P2RX3: variants seen among roughly 807,000 people sequenced by gnomAD.
P2RX3 encodes P2X purinoceptor 3.
In P2RX3, 41 loss-of-function variants were observed where a neutral mutation model predicts 51.5. The observed-to-expected ratio is 0.80, with a 90% CI of 0.62 to 1.03. The LOEUF is 1.03. Ranked by LOEUF, P2RX3 falls within the 50% of genes least tolerant of loss-of-function variation. The probability of loss-of-function intolerance (pLI) is 0.00; values close to 1 mark genes in which losing one functional copy is unlikely to be tolerated. For synonymous variants in P2RX3, 185 were observed against 191.6 expected (o/e 0.97, Z 0.29); for missense variants, 459 against 522.1 (o/e 0.88, Z 1.18).
Position 57,346,503 on chromosome 11 carries a change from G to A in P2RX3, c.120-41G>A, listed in dbSNP as rs35943801. 0.039 allele frequency: 62,408 copies of A among 1,607,068 alleles called. 1,422 individuals carry two copies. Among genetic ancestry groups the A allele is most frequent in the South Asian group, 0.043 (3,886 of 89,838 alleles). ...CCCAGCTTCTGTCTGCTGGGTCTAT[G>A]GACTCCTCTCTTTCTCTTCATTTAT... On this transcript the variant is annotated intron_variant, in intron 1 of 11. Transcript: ENST00000263314.
At chr11:57,338,746 AC>A in intron 1 of P2RX3, 77 bp downstream of exon 1, 1 of 964,838 alleles carries the variant, frequency 1.0e-6, no homozygotes, top group Non-Finnish European at 1.6e-6. Flanking sequence ...CCTCGGTGCT[AC>A]CATCCAGCTT....
chr11:57,345,454 C>A (rs900017684), intron 1 of P2RX3, among the ~76,000 whole-genome samples: 2 of 152,220 alleles, frequency 1.3e-5, no homozygotes, highest in East Asian at 3.9e-4. Context: ...AGGAGGGTTG[C>A]ATGGCATTTT....
chr11:57,361,545 T>C (rs893843876), intron 8 of P2RX3, among the ~76,000 whole-genome samples: 1 of 152,160 alleles, frequency 6.6e-6, no homozygotes, highest in Non-Finnish European at 1.5e-5. Context: ...CATGCAATGT[T>C]TGGTTTTCTG....
intron 8 of P2RX3, among the ~76,000 whole-genome samples, chr11:57,359,502 T>A (rs1042567023): frequency 6.6e-6 from 1 of 152,330 alleles, no homozygotes; most frequent in Admixed American, 6.5e-5. Flanking sequence ...CCCCCGACCC[T>A]GAAAACTCTG....
At chr11:57,349,578 C>T (rs765912670) in intron 6 of P2RX3, among the ~76,000 whole-genome samples, 179 bp from the exon 7 acceptor site, 3 of 152,006 alleles carry the variant, frequency 2.0e-5, no homozygotes, top group Non-Finnish European at 4.4e-5. Context: ...ACAGGGAAGG[C>T]GGTGATGGGG....
chr11:57,347,999 C>CAT (rs1856472526), intron 4 of P2RX3, among the ~76,000 whole-genome samples, 171 bp from the exon 5 acceptor site: 1 of 152,168 alleles, frequency 6.6e-6, no homozygotes, highest in Non-Finnish European at 1.5e-5. Flanking sequence ...CTCCCTTTGG[C>CAT]TGGGTCTGGG....
At chr11:57,336,321 G>C (rs4616059), upstream of P2RX3, among the ~76,000 whole-genome samples, 329 of 152,226 alleles carry the variant, frequency 2.2e-3, 16 homozygotes, top group East Asian at 0.059. Context: ...TGGCTGAACT[G>C]TCAAGTTCAC....
chr11:57,365,656 G>A (rs975495571), intron 8 of P2RX3, among the ~76,000 whole-genome samples: 1 of 152,206 alleles, frequency 6.6e-6, no homozygotes, highest in Non-Finnish European at 1.5e-5. Context: ...GCACACCTGT[G>A]CTTATAGACA....
intron 8 of P2RX3, among the ~76,000 whole-genome samples, chr11:57,363,478 CAG>C (rs1856751158): frequency 6.6e-6 from 1 of 152,156 alleles, no homozygotes; most frequent in African/African-American, 2.4e-5. Flanking sequence ...TCTAGAGCCT[CAG>C]AGTCCTCTCC....
In P2RX3 at chr11:57,349,718, A is replaced by G. The variant is rs763140704; in HGVS notation, c.564-39A>G. 6.8e-6 allele frequency: 11 copies of G among 1,613,224 alleles called. No homozygotes were observed. In the East Asian group the frequency reaches 2.2e-4, roughly 33 times the overall value. The stretch of plus-strand genomic sequence containing the variant: ...AGAGATTGCACAAGACGATCTTCCC[A>G]TGAACCCTGGGCTGACCTCTCTCTC... On this transcript the variant is annotated intron_variant, in intron 6 of 11. Coordinates refer to ENST00000263314, the MANE Select transcript of P2RX3 (RefSeq NM_002559.5).
intron 1 of P2RX3, among the ~76,000 whole-genome samples, chr11:57,339,079 G>A (rs961031592): frequency 2.0e-5 from 3 of 152,194 alleles, no homozygotes; most frequent in Non-Finnish European, 4.4e-5. Flanking sequence ...AAAAAGACAA[G>A]ACAGCACAGG....
chr11:57,339,580 C>T (rs1029932488), intron 1 of P2RX3, among the ~76,000 whole-genome samples: 6 of 152,296 alleles, frequency 3.9e-5, no homozygotes, highest in East Asian at 3.9e-4. Context: ...GGGAAGAATG[C>T]AGGTCCTGTC....
In P2RX3 at chr11:57,350,679, C is replaced by A; in HGVS notation, c.706-83C>A. 1.9e-6 allele frequency: 3 copies of A among 1,553,682 alleles called. No individual in the cohort carries two copies. The South Asian group carries it at 3.5e-5, about 18-fold the overall frequency. On this transcript the variant is annotated intron_variant, in intron 7 of 11. Coordinates refer to ENST00000263314, the MANE Select transcript of P2RX3 (RefSeq NM_002559.5). ...GAGGATGGGAGGAAATCATTTGTCA[C>A]CACCTCCACCCCACCCCCACCCTGG... is the stretch of plus-strand genomic sequence containing the variant.
intron 1 of P2RX3, among the ~76,000 whole-genome samples, chr11:57,343,165 T>C (rs570463808): frequency 2.0e-5 from 3 of 152,340 alleles, no homozygotes; most frequent in East Asian, 1.9e-4. Context: ...TGTGAGGCCA[T>C]TGAAATTCTT....
At chr11:57,356,659 C>T (rs535460619) in intron 8 of P2RX3, among the ~76,000 whole-genome samples, 1 of 152,272 alleles carries the variant, frequency 6.6e-6, no homozygotes, top group Non-Finnish European at 1.5e-5. Flanking sequence ...CGAAGTGCAC[C>T]CTTGGCTTTG....
chr11:57,348,100 A>G, intron 4 of P2RX3, 70 bp from the exon 5 acceptor site: 1 of 1,347,206 alleles, frequency 7.4e-7, no homozygotes, highest in Non-Finnish European at 1.0e-6. Flanking sequence ...GGGGGAAGGG[A>G]AGAGGGAGGA....
Position 57,348,194 on chromosome 11 carries a change from A to G in P2RX3, c.416A>G (p.Asn139Ser), listed in dbSNP as rs1243486157. The change falls in exon 5 of 12, where the codon AAC becomes AGC. Residue 139 changes from asparagine to serine, a missense_variant. Coordinates refer to ENST00000263314, the MANE Select transcript of P2RX3 (RefSeq NM_002559.5). The stretch of plus-strand genomic sequence containing the variant: ...GGGATCCTCACTGGCCGCTGCGTGA[A>G]CTACAGCTCTGTGCTCCGGACCTGT... The part of the protein sequence containing the change: ...GGGILTGRCV[N>S]YSSVLRTCEI... 1 of 1,597,270 alleles carries G rather than the reference A, an allele frequency of 6.3e-7. No individual in the cohort carries two copies. Among genetic ancestry groups the G allele is most frequent in the Non-Finnish European group, 8.5e-7 (1 of 1,172,146 alleles).
chr11:57,336,483 C>T (rs1383210366), upstream of P2RX3, among the ~76,000 whole-genome samples: 1 of 152,210 alleles, frequency 6.6e-6, no homozygotes, highest in Non-Finnish European at 1.5e-5. Flanking sequence ...GTTGCGGAAG[C>T]CAGGTCTCCC....
Position 57,348,686 on chromosome 11 carries a change from C to A in P2RX3, c.545C>A (p.Pro182His). The A allele has an allele frequency of 6.2e-7, 1 of 1,613,602 alleles. No individual in the cohort carries two copies. The highest frequency in any genetic ancestry group is 8.5e-7 in the Non-Finnish European group (1 of 1,179,830). Residue 182 changes from proline (P) to histidine (H), a missense_variant, in exon 6 of 12, where the codon CCC (proline) becomes CAC (histidine). Physicochemically the swap from Pro to His is moderately conservative, Grantham distance 77 (BLOSUM62 -2). Transcript: ENST00000263314. The part of the protein sequence containing the change: ...TIFIKNSIRF[P>H]LFNFEKGNLL... ...TTCATCAAGAACAGCATCCGTTTCC[C>A]CCTCTTCAACTTTGAGAAGTGAGTC...
Sources: allele counts gnomAD v4.1 joint callset (sites outside exome capture counted in the v4.1 genomes callset), GRCh38; gene constraint gnomAD v4.1.1; transcripts MANE v1.5; gene names NCBI Gene and HGNC (gene_info 2026-07-23, HGNC 2026-07-21).